SLC37A3: variants seen among roughly 807,000 people sequenced by gnomAD.
SLC37A3 encodes the protein sugar phosphate exchanger 3.
A neutral mutation model predicts 67.1 loss-of-function variants in SLC37A3; 51 were observed. The ratio of observed to expected loss-of-function variants is 0.76; its 90% CI spans 0.61 to 0.96. SLC37A3 has a LOEUF of 0.96. Ranked by LOEUF, SLC37A3 falls within the 40% of genes least tolerant of loss-of-function variation. SLC37A3 has a pLI of 0.00. For synonymous variants in SLC37A3, 214 were observed against 231.4 expected, an observed-to-expected ratio of 0.92 and a Z score of 0.68; for missense variants, 508 against 603.0, an observed-to-expected ratio of 0.84 and a Z score of 1.65.
At chr7:140,377,900 A>C (rs1798096548) in intron 3 of SLC37A3, among the ~76,000 whole-genome samples, 1 of 152,080 alleles carries the variant, frequency 6.6e-6, no homozygotes, top group Non-Finnish European at 1.5e-5. Context: ...TTTTTATTTA[A>C]AATTAATGAG....
At chr7:140,348,552 C>A in intron 10 of SLC37A3, 74 bp downstream of exon 10, 2 of 1,489,124 alleles carry the variant, frequency 1.3e-6, no homozygotes, top group Non-Finnish European at 1.8e-6. Context: ...TTAAATGAGG[C>A]CAGATTTCAC....
intron 13 of SLC37A3, among the ~76,000 whole-genome samples, chr7:140,341,602 C>A (rs1028409254): frequency 6.6e-6 from 1 of 152,040 alleles, no homozygotes; most frequent in Non-Finnish European, 1.5e-5. Flanking sequence ...GGAAATCATT[C>A]AAAACTCAAC....
At chr7:140,346,223 C>CA (rs1346260975) in intron 10 of SLC37A3, among the ~76,000 whole-genome samples, 23 of 151,952 alleles carry the variant, frequency 1.5e-4, no homozygotes, top group Admixed American at 6.6e-5. Context: ...ACTAAAAATA[C>CA]AAAAAAATTA....
chr7:140,367,820 C>CTTTTTT (rs34092614), intron 4 of SLC37A3, among the ~76,000 whole-genome samples: 4 of 130,004 alleles, frequency 3.1e-5, no homozygotes, highest in East Asian at 2.3e-4. Flanking sequence ...TCCCACCTTC[C>CTTTTTT]TTTTTTTTTT....
intron 10 of SLC37A3, among the ~76,000 whole-genome samples, chr7:140,347,668 G>A (rs1796618247): frequency 6.6e-6 from 1 of 151,156 alleles, no homozygotes; most frequent in South Asian, 2.1e-4. Flanking sequence ...GCACAGCCAT[G>A]TAAGTAATAC....
At chr7:140,393,227 C>T (rs1179589965) in intron 1 of SLC37A3, among the ~76,000 whole-genome samples, 1 of 152,202 alleles carries the variant, frequency 6.6e-6, no homozygotes, top group African/African-American at 2.4e-5. Context: ...AGGCAGAGCC[C>T]CCAAGATCAC....
chr7:140,397,856 C>T (rs1033307138), intron 1 of SLC37A3, among the ~76,000 whole-genome samples: 5 of 152,106 alleles, frequency 3.3e-5, no homozygotes, highest in African/African-American at 1.2e-4. Context: ...CCTGTCAAAA[C>T]TGAGAATAAA....
At chr7:140,362,464 A>G in intron 5 of SLC37A3, among the ~76,000 whole-genome samples, 1 of 133,000 alleles carries the variant, frequency 7.5e-6, no homozygotes, top group Non-Finnish European at 1.6e-5. Context: ...CCCGTCTGGG[A>G]GGTGAGGGGC....
chr7:140,369,532 A>G (rs944568473), intron 4 of SLC37A3, 58 bp downstream of exon 4: 32 of 1,436,808 alleles, frequency 2.2e-5, no homozygotes, highest in Non-Finnish European at 2.2e-5. Context: ...TGTAAGGCTC[A>G]GGGTCATTTA....
rs73472761 is a variant in SLC37A3, at chr7:140,342,480, G to A, written c.1326+932C>T. On this transcript the variant is annotated intron_variant, in intron 13 of 14. Coordinates refer to ENST00000326232, the MANE Select transcript of SLC37A3 (RefSeq NM_207113.3). Reference sequence around the variant, plus strand: ...GACCACTGGGCATTCCCTGAGACTCGGCCAACATTCTCTTTCCCTATTAAA... The same window carrying A: ...GACCACTGGGCATTCCCTGAGACTCAGCCAACATTCTCTTTCCCTATTAAA... 2.4e-3 allele frequency among the ~76,000 whole-genome samples: 369 copies of A among 152,086 alleles called. 1 individual carries two copies. The highest frequency in any genetic ancestry group is 8.4e-3 in the African/African-American group (349 of 41,486).
Position 140,393,354 on chromosome 7 carries a change from T to C in SLC37A3, c.-71+5062A>G, listed in dbSNP as rs77701486. On this transcript the variant is annotated intron_variant, in intron 1 of 14. Transcript: ENST00000326232. Reference sequence around the variant, plus strand: ...AACACGTGCGCCGTCCTCACTGACATGAAGGAATCTTTAGATATTTAACCA... The same window carrying C: ...AACACGTGCGCCGTCCTCACTGACACGAAGGAATCTTTAGATATTTAACCA... Among the ~76,000 whole-genome samples the C allele has an allele frequency of 1.6e-3, 238 of 152,308 alleles. 1 individual carries two copies. Among genetic ancestry groups the C allele is most frequent in the African/African-American group, 5.0e-3 (209 of 41,562 alleles).
intron 6 of SLC37A3, 95 bp downstream of exon 6, chr7:140,358,545 T>C: frequency 2.0e-6 from 3 of 1,533,370 alleles, no homozygotes; most frequent in Non-Finnish European, 2.7e-6. Context: ...GTGGGTGGTA[T>C]CTAAGGCAGC....
chr7:140,363,701 TAAATA>T (rs1797468433), intron 5 of SLC37A3, among the ~76,000 whole-genome samples: 4 of 83,994 alleles, frequency 4.8e-5, no homozygotes, highest in African/African-American at 1.8e-4. Context: ...AAAAAAAAAA[TAAATA>T]AAAAAATAAA....
intron 3 of SLC37A3, among the ~76,000 whole-genome samples, chr7:140,375,253 G>A (rs1319985078): frequency 3.3e-5 from 5 of 150,778 alleles, no homozygotes; most frequent in Non-Finnish European, 5.9e-5. Context: ...TGGATTGCCT[G>A]AGCTCAGGAG....
At chr7:140,392,056 G>A (rs1185350854) in intron 1 of SLC37A3, among the ~76,000 whole-genome samples, 6 of 152,130 alleles carry the variant, frequency 3.9e-5, no homozygotes, top group Non-Finnish European at 7.4e-5. Context: ...CTGATCACCT[G>A]CAACATTTTG....
chr7:140,364,421 G>C lies in SLC37A3; in HGVS notation c.362C>G (p.Ser121Cys). ...LRWVLSFGMC[S>C]SALVVFVFGA... Reference sequence around the variant, plus strand: ...CTTTCAACTTACCACTAATGCAGAAGAGCACATGCCAAAAGACAGAACCCA... The same window carrying C: ...CTTTCAACTTACCACTAATGCAGAACAGCACATGCCAAAAGACAGAACCCA... The change falls in exon 5 of 15, where the codon TCT becomes TGT. Residue 121 changes from serine (S) to cysteine (C), a missense_variant. By Grantham distance (112) the Ser-to-Cys change is moderately radical. Transcript: ENST00000326232. 1 of 1,613,696 alleles carries C rather than the reference G, an allele frequency of 6.2e-7. No individual in the cohort carries two copies. Among genetic ancestry groups the C allele is most frequent in the Non-Finnish European group, 8.5e-7 (1 of 1,179,892 alleles).
At chr7:140,358,814 G>T in intron 5 of SLC37A3, 29 bp from the exon 6 acceptor site, 18 of 1,613,588 alleles carry the variant, frequency 1.1e-5, no homozygotes, top group Non-Finnish European at 1.4e-5. Flanking sequence ...AAAGGAATAT[G>T]TAACAGCCAC....
intron 1 of SLC37A3, among the ~76,000 whole-genome samples, chr7:140,396,167 G>A (rs1798920611): frequency 6.6e-6 from 1 of 151,890 alleles, no homozygotes; most frequent in South Asian, 2.1e-4. Context: ...CTACAGGTGG[G>A]CACCATCACA....
rs536159731 is a variant in SLC37A3 at position 140,339,661 on chromosome 7, C to G, written c.1327-2312G>C. Among the ~76,000 whole-genome samples the G allele has an allele frequency of 6.6e-5, 10 of 152,054 alleles. 1 individual carries two copies. The East Asian group carries it at 1.9e-3, about 29-fold the overall frequency. The stretch of plus-strand genomic sequence containing the variant: ...AGCACCAAAGTATTTTTCACAGAAG[C>G]TGCATCATTTTGCATTCCCACCAGC... On this transcript the variant is annotated intron_variant, in intron 13 of 14. Transcript: ENST00000326232.
Sources: gnomAD v4.1 joint callset for allele counts (sites outside exome capture counted in the v4.1 genomes callset) on GRCh38, gnomAD v4.1.1 for gene constraint, MANE v1.5 for transcripts, NCBI Gene and HGNC (gene_info 2026-07-23, HGNC 2026-07-21) for gene names.